Variants in ULK4 observed in about 807,000 individuals in gnomAD.
ULK4 encodes inactive serine/threonine-protein kinase ULK4.
ULK4 carries 133 observed loss-of-function variants against 160.6 expected under a neutral mutation model. The ratio of observed to expected loss-of-function variants is 0.83; its 90% CI spans 0.72 to 0.96. ULK4 has a LOEUF of 0.96. Ranked by LOEUF, ULK4 falls within the 40% of genes least tolerant of loss-of-function variation. The probability of loss-of-function intolerance (pLI) is 0.00; values close to 1 mark genes in which losing one functional copy is unlikely to be tolerated. For missense variants in ULK4, 1,580 were observed against 1,499.5 expected (o/e 1.05, Z -0.89); for synonymous variants, 534 against 539.8 (o/e 0.99, Z 0.15).
At chr3:41,416,769 C>T (rs997248875) in intron 34 of ULK4, among the ~76,000 whole-genome samples, 5 of 152,012 alleles carry the variant, frequency 3.3e-5, no homozygotes, top group African/African-American at 1.2e-4. Context: ...CAGGGAAACA[C>T]GTGACCAATG....
At chr3:41,630,642 G>C (rs1021747178) in intron 30 of ULK4, among the ~76,000 whole-genome samples, 2 of 152,140 alleles carry the variant, frequency 1.3e-5, no homozygotes, top group Non-Finnish European at 2.9e-5. Flanking sequence ...CACTAAATTA[G>C]TGTTTAATTG....
At chr3:41,793,979 A>C (rs2040221797) in intron 20 of ULK4, among the ~76,000 whole-genome samples, 1 of 152,180 alleles carries the variant, frequency 6.6e-6, no homozygotes, top group Non-Finnish European at 1.5e-5. Context: ...AGCAGGCAAC[A>C]TCACCTGGAA....
intron 19 of ULK4, among the ~76,000 whole-genome samples, chr3:41,807,918 T>C (rs1231045419): frequency 6.6e-6 from 1 of 152,148 alleles, no homozygotes. Context: ...TTTGACAAAT[T>C]TGAAAAGAAA....
intron 35 of ULK4, among the ~76,000 whole-genome samples, chr3:41,261,073 G>T (rs1036509733): frequency 6.6e-6 from 1 of 152,170 alleles, no homozygotes; most frequent in Non-Finnish European, 1.5e-5. Flanking sequence ...AGACAAACCG[G>T]GTAGGAGAGG....
At chr3:41,325,444 G>C (rs980625399) in intron 35 of ULK4, among the ~76,000 whole-genome samples, 1 of 152,146 alleles carries the variant, frequency 6.6e-6, no homozygotes, top group Admixed American at 6.5e-5. Context: ...ATTTCATGCT[G>C]TTATGTGATA....
intron 27 of ULK4, among the ~76,000 whole-genome samples, chr3:41,702,860 G>GTTTTTTT: frequency 7.1e-6 from 1 of 140,148 alleles, no homozygotes; most frequent in African/African-American, 2.6e-5. Flanking sequence ...TTTTGGTTTT[G>GTTTTTTT]TTTTTTTTTT....
chr3:41,649,259 C>G (rs1243050160), intron 30 of ULK4, among the ~76,000 whole-genome samples: 1 of 152,176 alleles, frequency 6.6e-6, no homozygotes, highest in Non-Finnish European at 1.5e-5. Flanking sequence ...GGAGCGGCCT[C>G]TCCAAAGATG....
chr3:41,328,410 G>T (rs941145564), intron 35 of ULK4, among the ~76,000 whole-genome samples: 3 of 152,214 alleles, frequency 2.0e-5, no homozygotes, highest in South Asian at 2.1e-4. Context: ...CAAAAAACGA[G>T]ACAGTAGACA....
intron 19 of ULK4, among the ~76,000 whole-genome samples, chr3:41,814,578 G>A (rs2040910565): frequency 6.6e-6 from 1 of 152,092 alleles, no homozygotes; most frequent in African/African-American, 2.4e-5. Flanking sequence ...TGTTTTATCA[G>A]ATACTGAGAT....
At chr3:41,888,196 A>T (rs932837087) in intron 16 of ULK4, among the ~76,000 whole-genome samples, 1 of 152,174 alleles carries the variant, frequency 6.6e-6, no homozygotes, top group African/African-American at 2.4e-5. Context: ...TCCATAAATC[A>T]TAATCATGTA....
At chr3:41,770,061 C>G (rs971486386) in intron 21 of ULK4, among the ~76,000 whole-genome samples, 3 of 152,052 alleles carry the variant, frequency 2.0e-5, no homozygotes, top group Non-Finnish European at 2.9e-5. Flanking sequence ...TAGCCAAGTA[C>G]CTAAGTAAAA....
chr3:41,947,183 C>CG (rs1559669361), intron 2 of ULK4, among the ~76,000 whole-genome samples: 2 of 151,998 alleles, frequency 1.3e-5, no homozygotes, highest in Non-Finnish European at 2.9e-5. Flanking sequence ...AAAAATTAGC[C>CG]GGGCATAGTC....
chr3:41,391,540 A>G (rs1400153936), intron 35 of ULK4, among the ~76,000 whole-genome samples: 1 of 151,868 alleles, frequency 6.6e-6, no homozygotes, highest in East Asian at 1.9e-4. Context: ...TATCTAGTAG[A>G]AAGAGTGCCT....
intron 17 of ULK4, among the ~76,000 whole-genome samples, chr3:41,878,982 G>A (rs532085143): frequency 6.6e-6 from 1 of 152,214 alleles, no homozygotes; most frequent in African/African-American, 2.4e-5. Flanking sequence ...GGTGATAAAG[G>A]ACTATATTAA....
chr3:41,575,056 T>C (rs1360684659), intron 31 of ULK4, among the ~76,000 whole-genome samples: 4 of 152,160 alleles, frequency 2.6e-5, no homozygotes, highest in African/African-American at 9.7e-5. Flanking sequence ...TGCAGGGGTG[T>C]TGTTACTCCA....
At chr3:41,523,863 G>A (rs896203745) in intron 32 of ULK4, among the ~76,000 whole-genome samples, 2 of 152,122 alleles carry the variant, frequency 1.3e-5, no homozygotes, top group African/African-American at 4.8e-5. Flanking sequence ...ACAGCCAGAA[G>A]TGGAAACAAC....
chr3:41,336,337 C>T (rs6773779), intron 35 of ULK4, among the ~76,000 whole-genome samples: 31,599 of 152,132 alleles, frequency 0.21, 4,088 homozygotes, highest in African/African-American at 0.35. Flanking sequence ...TATAAGGAAA[C>T]GTATCTGAAA....
At chr3:41,844,507 C>T (rs1316043135) in intron 17 of ULK4, among the ~76,000 whole-genome samples, 1 of 152,180 alleles carries the variant, frequency 6.6e-6, no homozygotes, top group Non-Finnish European at 1.5e-5. Context: ...AGCTGGCCCG[C>T]AAGCACCCCA....
At chr3:41,613,589 A>G (rs2032814664) in intron 31 of ULK4, among the ~76,000 whole-genome samples, 1 of 152,242 alleles carries the variant, frequency 6.6e-6, no homozygotes. Context: ...ACAATTTTAA[A>G]AGGATAAGTA....
Sources: allele counts gnomAD v4.1 joint callset (sites outside exome capture counted in the v4.1 genomes callset), GRCh38; gene constraint gnomAD v4.1.1; transcripts MANE v1.5; gene names NCBI Gene and HGNC (gene_info 2026-07-23, HGNC 2026-07-21).